CNTN4: variants seen among roughly 807,000 people sequenced by gnomAD.
CNTN4 encodes the protein contactin-4.
A neutral mutation model predicts 122.5 loss-of-function variants in CNTN4; 77 were observed. That is an observed-to-expected ratio of 0.63 (90% CI 0.52 to 0.76). The LOEUF (loss-of-function observed/expected upper bound fraction) is 0.76. Ranked by LOEUF, CNTN4 falls within the 30% of genes least tolerant of loss-of-function variation. CNTN4 has a pLI of 0.00. For missense variants in CNTN4, 1,256 were observed against 1,259.1 expected, an observed-to-expected ratio of 1.00 and a Z score of 0.04; for synonymous variants, 512 against 447.0, an observed-to-expected ratio of 1.15 and a Z score of -1.83.
intron 12 of CNTN4, among the ~76,000 whole-genome samples, chr3:2,903,436 G>T (rs917179441): frequency 5.9e-5 from 9 of 152,138 alleles, no homozygotes; most frequent in Non-Finnish European, 1.3e-4. Flanking sequence ...GTGCATTAAT[G>T]ATCTTTCTTC....
rs536718929 is a variant in CNTN4 at position 2,736,274 on chromosome 3, T to G, written c.115T>G (p.Leu39Val). 1.1e-5 allele frequency: 18 copies of G among 1,613,726 alleles called. 1 individual carries two copies. The South Asian group carries it at 1.2e-4, about 11-fold the overall frequency. The stretch of plus-strand genomic sequence containing the variant: ...AGAACCAAGTCCTGTAATGTTCCCT[T>G]TGGATTCTGAGGAGAAAAAAGTGAA... Reference protein sequence around the residue: ...IQEPSPVMFPLDSEEKKVKLN... With the variant: ...IQEPSPVMFPVDSEEKKVKLN... Residue 39 changes from leucine (L) to valine (V), a missense_variant, in exon 5 of 25, where the codon TTG becomes GTG. By Grantham distance (32) the Leu-to-Val change is conservative. Coordinates refer to ENST00000418658, the MANE Select transcript of CNTN4 (RefSeq NM_175607.3).
chr3:2,351,722 A>G (rs527238776), intron 3 of CNTN4, among the ~76,000 whole-genome samples: 8 of 152,200 alleles, frequency 5.3e-5, no homozygotes, highest in African/African-American at 1.7e-4. Context: ...AAACTCCAGA[A>G]AGCAAACCAT....
At chr3:2,488,963 T>C (rs991615433) in intron 3 of CNTN4, among the ~76,000 whole-genome samples, 1 of 152,214 alleles carries the variant, frequency 6.6e-6, no homozygotes, top group African/African-American at 2.4e-5. Flanking sequence ...AATAATACAA[T>C]AGAGTCCAAA....
At chr3:2,335,142 G>C (rs1293007805) in intron 2 of CNTN4, among the ~76,000 whole-genome samples, 1 of 152,064 alleles carries the variant, frequency 6.6e-6, no homozygotes, top group Non-Finnish European at 1.5e-5. Context: ...CAATCTTTCT[G>C]GGCAGAGGGA....
intron 14 of CNTN4, among the ~76,000 whole-genome samples, chr3:3,008,768 G>A (rs1369089783): frequency 6.6e-6 from 1 of 152,166 alleles, no homozygotes; most frequent in Admixed American, 6.5e-5. Context: ...ATGCAAAAGT[G>A]TTGCAGTTTT....
In CNTN4 at chr3:2,146,275, AT is replaced by A. The variant is rs74268581; in HGVS notation, c.-145+45647del. Among the ~76,000 whole-genome samples, 272 of 145,460 alleles carry A rather than the reference AT, an allele frequency of 1.9e-3. 1 individual carries two copies. Among genetic ancestry groups the A allele is most frequent in the Middle Eastern group, 8.7e-3 (2 of 230 alleles). Reference sequence around the variant, plus strand: ...TAAACCTAGAGTAACTGCTGTTAATATTTTTTTTTTTAGCTACTACAAATTG... The same window carrying A: ...TAAACCTAGAGTAACTGCTGTTAATATTTTTTTTTTAGCTACTACAAATTG... On this transcript the variant is annotated intron_variant, in intron 2 of 24. Transcript: ENST00000418658.
intron 3 of CNTN4, among the ~76,000 whole-genome samples, chr3:2,531,168 G>C (rs780985744): frequency 1.3e-5 from 2 of 151,942 alleles, no homozygotes; most frequent in African/African-American, 2.4e-5. Flanking sequence ...TTGTCAACTG[G>C]AAAACAACGG....
chr3:2,798,366 A>AATCTATCTATCTATCT (rs1553642389), intron 6 of CNTN4, among the ~76,000 whole-genome samples: 2 of 135,374 alleles, frequency 1.5e-5, no homozygotes, highest in African/African-American at 5.3e-5. Context: ...TACACACATA[A>AATCTATCTATCTATCT]ATCTATCTAT....
intron 3 of CNTN4, among the ~76,000 whole-genome samples, chr3:2,378,782 AT>A (rs1016002282): frequency 4.6e-5 from 7 of 150,572 alleles, no homozygotes; most frequent in African/African-American, 1.7e-4. Flanking sequence ...TGGTAGCATT[AT>A]TTTTTTTTCT....
chr3:2,762,937 C>CTTT (rs529635016), intron 6 of CNTN4, among the ~76,000 whole-genome samples: 20 of 96,472 alleles, frequency 2.1e-4, no homozygotes, highest in African/African-American at 3.5e-4. Context: ...TGATGTCAAG[C>CTTT]TTTTTTTTTT....
chr3:2,903,023 C>T lies in CNTN4; in HGVS notation c.1207+18C>T, dbSNP rs1559642527. ...TGTTATAGGTGAGTCTTTATACTGG[C>T]AAGAAAAAAAAATTAAAACTCTTTA... On this transcript the variant is annotated intron_variant, in intron 12 of 24. Transcript: ENST00000418658. 1.2e-6 allele frequency: 2 copies of T among 1,606,574 alleles called. No individual in the cohort carries two copies. Among genetic ancestry groups the T allele is most frequent in the African/African-American group, 1.3e-5 (1 of 74,356 alleles).
At chr3:2,925,561 A>G in intron 12 of CNTN4, 68 bp from the exon 13 acceptor site, 5 of 1,524,018 alleles carry the variant, frequency 3.3e-6, no homozygotes, top group Admixed American at 1.7e-5. Context: ...GAAAGAAAGA[A>G]AAAGACTAAG....
rs58790078 is a variant in CNTN4, at chr3:2,396,685, G to C, written c.-89+57452G>C. The stretch of plus-strand genomic sequence containing the variant: ...TTTTTTTTTTTATTAACCTCTCCTA[G>C]AACTCTTCTGTGCTGTCATACATAA... On this transcript the variant is annotated intron_variant, in intron 3 of 24. Coordinates refer to ENST00000418658, the MANE Select transcript of CNTN4 (RefSeq NM_175607.3). 1.6e-4 allele frequency among the ~76,000 whole-genome samples: 23 copies of C among 147,808 alleles called. No homozygotes were observed. The East Asian group carries it at 3.2e-3, about 20-fold the overall frequency.
At chr3:2,680,132 C>G (rs988202584) in intron 4 of CNTN4, among the ~76,000 whole-genome samples, 1 of 152,044 alleles carries the variant, frequency 6.6e-6, no homozygotes, top group Non-Finnish European at 1.5e-5. Context: ...ATTTATAATA[C>G]AATACAAAAG....
At chr3:2,436,373 C>T (rs541471123) in intron 3 of CNTN4, among the ~76,000 whole-genome samples, 1 of 152,156 alleles carries the variant, frequency 6.6e-6, no homozygotes, top group African/African-American at 2.4e-5. Flanking sequence ...GCAGTGAGTG[C>T]TATAGGAGAA....
intron 2 of CNTN4, among the ~76,000 whole-genome samples, chr3:2,242,395 A>G (rs2039976878): frequency 6.6e-6 from 1 of 152,130 alleles, no homozygotes; most frequent in Admixed American, 6.6e-5. Flanking sequence ...GAAAGGATTC[A>G]TTAGGAAAGG....
intron 7 of CNTN4, among the ~76,000 whole-genome samples, chr3:2,863,474 A>G (rs1306401612): frequency 7.3e-6 from 1 of 137,260 alleles, no homozygotes; most frequent in African/African-American, 2.7e-5. Flanking sequence ...TCAGCATAAG[A>G]AATGGTTACG....
chr3:2,354,899 T>C (rs551102231), intron 3 of CNTN4, among the ~76,000 whole-genome samples: 8 of 152,190 alleles, frequency 5.3e-5, no homozygotes, highest in Non-Finnish European at 1.2e-4. Context: ...ATTAAAAGGC[T>C]CCAAGACAGA....
chr3:2,238,743 T>TTTTTTTTTTTTTTTTTTC (rs1559368798), intron 2 of CNTN4: 1 of 72,602 alleles, frequency 1.4e-5, no homozygotes, highest in Non-Finnish European at 3.0e-5. Context: ...GTGTTTTTTT[T>TTTTTTTTTTTTTTTTTTC]TTGAGACGGA....
Sources: gnomAD v4.1 joint callset for allele counts (sites outside exome capture counted in the v4.1 genomes callset) on GRCh38, gnomAD v4.1.1 for gene constraint, MANE v1.5 for transcripts, NCBI Gene and HGNC (gene_info 2026-07-23, HGNC 2026-07-21) for gene names.